The following INTS15 variants were observed in gnomAD, a reference collection of about 807,000 sequenced individuals.
INTS15 encodes uncharacterized protein C7orf26.
chr7:6,608,122 C>G, the INTS15 span: 1 of 1,437,244 alleles, frequency 7.0e-7, no homozygotes, highest in Non-Finnish European at 9.4e-7. Flanking sequence ...GCCACACCTT[C>G]ATCTCCGGCG....
At chr7:6,592,715 C>A in the INTS15 span, among the ~76,000 whole-genome samples, 2 of 150,650 alleles carry the variant, frequency 1.3e-5, no homozygotes, top group Non-Finnish European at 3.0e-5. Context: ...CTCAAGTGAT[C>A]CTCCTACCTC....
chr7:6,607,389 CG>C, the INTS15 span: 1 of 329,152 alleles, frequency 3.0e-6, no homozygotes, highest in Non-Finnish European at 5.0e-6. The surrounding 1 kb of genome is among the most constrained non-coding windows in gnomAD (Gnocchi z 6.0). Flanking sequence ...GGGTGCTGGG[CG>C]GGGTGGGTGC....
chr7:6,591,789 C>G, the INTS15 span: 3 of 1,614,000 alleles, frequency 1.9e-6, no homozygotes, highest in South Asian at 1.1e-5. Flanking sequence ...GCCGGATGAG[C>G]TTGTTGGGAA....
chr7:6,604,682 T>C, the INTS15 span, among the ~76,000 whole-genome samples: 2 of 152,176 alleles, frequency 1.3e-5, no homozygotes. Flanking sequence ...GCTCGCAGGC[T>C]GAGACAGAAA....
the INTS15 span, among the ~76,000 whole-genome samples, chr7:6,603,002 C>T: frequency 1.3e-5 from 2 of 152,246 alleles, no homozygotes; most frequent in Non-Finnish European, 2.9e-5. Flanking sequence ...GTAATCCCAG[C>T]ACTTTGGGAA....
the INTS15 span, among the ~76,000 whole-genome samples, chr7:6,604,751 C>T: frequency 3.3e-5 from 5 of 152,208 alleles, no homozygotes; most frequent in Admixed American, 3.3e-4. Flanking sequence ...GCAGAGGAAC[C>T]GCATCCTTGT....
chr7:6,608,501 T>G, the INTS15 span: 1 of 1,189,468 alleles, frequency 8.4e-7, no homozygotes, highest in Non-Finnish European at 1.0e-6. Flanking sequence ...AGCCCGTGTG[T>G]CTGGCCTCTT....
At chr7:6,590,331 C>G in the INTS15 span, 1 of 1,596,208 alleles carries the variant, frequency 6.3e-7, no homozygotes, top group Non-Finnish European at 8.5e-7. Flanking sequence ...CGCTGAGCGC[C>G]GCCAAGGAGG....
At chr7:6,601,952 C>T in the INTS15 span, 1,174 of 710,640 alleles carry the variant, frequency 1.7e-3, 19 homozygotes, top group Admixed American at 0.019. Context: ...CCACTGCGCC[C>T]GGCTAGAACT....
chr7:6,591,144 T>A, the INTS15 span, among the ~76,000 whole-genome samples: 1 of 152,146 alleles, frequency 6.6e-6, no homozygotes, highest in Admixed American at 6.6e-5. Flanking sequence ...CCTATATGAC[T>A]TTTTTCTAAG....
At chr7:6,592,673 A>C in the INTS15 span, among the ~76,000 whole-genome samples, 1 of 150,118 alleles carries the variant, frequency 6.7e-6, no homozygotes, top group Non-Finnish European at 1.5e-5. Flanking sequence ...CAGTGGTGCA[A>C]TCTTAGCTCA....
chr7:6,602,101 A>G, the INTS15 span: 1 of 1,613,220 alleles, frequency 6.2e-7, no homozygotes, highest in Non-Finnish European at 8.5e-7. Flanking sequence ...TTAATTGCAG[A>G]TGACCTGAGA....
At chr7:6,590,878 G>C in the INTS15 span, among the ~76,000 whole-genome samples, 1 of 139,082 alleles carries the variant, frequency 7.2e-6, no homozygotes, top group South Asian at 2.3e-4. Context: ...TCACTACGTT[G>C]CCCAGGCAGG....
chr7:6,604,131 A>G, the INTS15 span, among the ~76,000 whole-genome samples: 1 of 152,174 alleles, frequency 6.6e-6, no homozygotes, highest in Non-Finnish European at 1.5e-5. Context: ...GCTGGAGTGC[A>G]GTGGCACGAT....
the INTS15 span, among the ~76,000 whole-genome samples, chr7:6,592,800 G>A: frequency 6.6e-6 from 1 of 151,858 alleles, no homozygotes; most frequent in Admixed American, 6.6e-5. Context: ...TGTAGAGACA[G>A]GGTTTCACCA....
At chr7:6,608,210 G>A in the INTS15 span, 28 of 1,532,562 alleles carry the variant, frequency 1.8e-5, no homozygotes, top group Non-Finnish European at 2.3e-5. Context: ...AGCCTTTCGA[G>A]ATGGAAGGGG....
the INTS15 span, among the ~76,000 whole-genome samples, chr7:6,595,694 T>C: frequency 6.6e-6 from 1 of 152,158 alleles, no homozygotes. Flanking sequence ...TTTTACTTTT[T>C]TGGATATAGA....
chr7:6,599,738 A>G, the INTS15 span: 18 of 1,297,580 alleles, frequency 1.4e-5, no homozygotes, highest in East Asian at 1.4e-4. Context: ...GGGCAGTGCC[A>G]TGGGCCTTGG....
At chr7:6,606,962 G>C in the INTS15 span, among the ~76,000 whole-genome samples, 1 of 152,178 alleles carries the variant, frequency 6.6e-6, no homozygotes, top group South Asian at 2.1e-4. Flanking sequence ...GCCTCCAAAA[G>C]TGCTGGCATT....
Sources: gnomAD v4.1 joint callset for allele counts (sites outside exome capture counted in the v4.1 genomes callset) on GRCh38, gnomAD v4.1.1 for gene constraint, Gnocchi (gnomAD v3.1) non-coding constraint, MANE v1.5 for transcripts, NCBI Gene and HGNC (gene_info 2026-07-23, HGNC 2026-07-21) for gene names.